DNAH14: variants seen among roughly 807,000 people sequenced by gnomAD.
DNAH14 encodes the protein axonemal beta dynein heavy chain 14.
In DNAH14, 478 loss-of-function variants were observed where a neutral mutation model predicts 520.9. The ratio of observed to expected loss-of-function variants is 0.92; its 90% CI spans 0.85 to 0.99. DNAH14 has a LOEUF of 0.99. Among genes scored for constraint, DNAH14 ranks in the 50% least tolerant of loss-of-function variants. The pLI, the probability that DNAH14 is intolerant of heterozygous loss-of-function variation, is 0.00. For synonymous variants in DNAH14, 1,581 were observed against 1,757.2 expected (o/e 0.90, Z 2.51); for missense variants, 4,831 against 5,234.5 (o/e 0.92, Z 2.38).
chr1:225,376,789 G>A (rs190199387), intron 78 of DNAH14, among the ~76,000 whole-genome samples: 3 of 152,152 alleles, frequency 2.0e-5, no homozygotes, highest in African/African-American at 7.2e-5. Flanking sequence ...TATCAAGAAA[G>A]CCACCATCAC....
rs576670111 is a variant in DNAH14, at chr1:225,104,576, C to T, written c.3867+3692C>T. ...CTCAATTTCAGAGCCTGTTATTGGT[C>T]TATTCAGAGATTCAACTTCTTCCTG... On this transcript the variant is annotated intron_variant, in intron 23 of 85. Coordinates refer to ENST00000682510, the MANE Select transcript of DNAH14 (RefSeq NM_001367479.1). 3.9e-5 allele frequency among the ~76,000 whole-genome samples: 6 copies of T among 152,194 alleles called. No homozygotes were observed. In the East Asian group the frequency reaches 1.2e-3, roughly 29 times the overall value.
intron 36 of DNAH14, among the ~76,000 whole-genome samples, chr1:225,184,843 A>G (rs2084488762): frequency 6.6e-6 from 1 of 152,080 alleles, no homozygotes; most frequent in Non-Finnish European, 1.5e-5. Context: ...ATTCCCCTTA[A>G]GAATTGGAAT....
At chr1:225,374,631 G>A (rs2095672569) in intron 77 of DNAH14, 57 bp from the exon 78 acceptor site, 1 of 1,380,666 alleles carries the variant, frequency 7.2e-7, no homozygotes, top group Admixed American at 2.6e-5. Flanking sequence ...TAAAAAGTCA[G>A]AGTGAGTAAG....
chr1:225,115,232 A>C (rs903196891), intron 23 of DNAH14, among the ~76,000 whole-genome samples: 8 of 152,194 alleles, frequency 5.3e-5, no homozygotes, highest in Non-Finnish European at 1.2e-4. Flanking sequence ...GGCCACCATC[A>C]CTGGAGCTGT....
intron 74 of DNAH14, among the ~76,000 whole-genome samples, chr1:225,359,213 A>T (rs2095466333): frequency 6.6e-6 from 1 of 152,234 alleles, no homozygotes; most frequent in Non-Finnish European, 1.5e-5. Context: ...TAAAGATACA[A>T]CAAAGAGGAA....
At chr1:225,039,877 CAAAAAAAAAAAA>C (rs1194328076) in intron 12 of DNAH14, among the ~76,000 whole-genome samples, 3 of 48,984 alleles carry the variant, frequency 6.1e-5, no homozygotes, top group African/African-American at 2.5e-4. Context: ...GACTCCGTCT[CAAAAAAAAAAAA>C]AAAAAAAAAA....
In DNAH14 at chr1:225,218,133, G is replaced by T. The variant is rs141788953; in HGVS notation, c.6439+10913G>T. Among the ~76,000 whole-genome samples the T allele has an allele frequency of 9.0e-3, 1,373 of 152,242 alleles. 14 individuals are homozygous for T. The highest frequency in any genetic ancestry group is 0.014 in the Middle Eastern group (4 of 294). ...GAGAGATTTGGTCATCACCAGGCCT[G>T]CCTTACAAGAGCTCCTGAAGGAAGC... On this transcript the variant is annotated intron_variant, in intron 41 of 85. Transcript: ENST00000682510.
intron 57 of DNAH14, among the ~76,000 whole-genome samples, chr1:225,304,050 C>T (rs1276249498): frequency 1.3e-5 from 2 of 152,140 alleles, no homozygotes; most frequent in African/African-American, 2.4e-5. Context: ...TGACCAGTGA[C>T]TGGTTAGACT....
chr1:224,983,891 G>A (rs1209012697), intron 8 of DNAH14, among the ~76,000 whole-genome samples: 1 of 152,124 alleles, frequency 6.6e-6, no homozygotes, highest in Admixed American at 6.5e-5. Flanking sequence ...AGAAATCACA[G>A]ATGACACAAA....
chr1:225,307,638 G>T (rs115919810), intron 59 of DNAH14, 69 bp downstream of exon 59: 1 of 1,198,702 alleles, frequency 8.3e-7, no homozygotes, highest in Non-Finnish European at 1.1e-6. Flanking sequence ...GAAAGCAAAG[G>T]CTCTGATACC....
chr1:225,226,548 G>A (rs1354985895), intron 41 of DNAH14, among the ~76,000 whole-genome samples: 4 of 152,152 alleles, frequency 2.6e-5, no homozygotes, highest in Admixed American at 6.6e-5. Context: ...GGACAAGCCC[G>A]TAGCCTCCAG....
rs1433463058 is a variant in DNAH14, at chr1:225,360,685, C to T, written c.11781C>T (p.Ile3927=). ...CCTCTCCACGTTGTTATACAGGGAT[C>T]GACCTTACCAATATCCTCCTGAGAT... ...TPLILIQTHG[I]DLTNILLRFA... is the part of the protein sequence containing the mutation. The change falls in exon 75 of 86, where the codon ATC becomes ATT. Residue 3927 remains isoleucine (I), a synonymous_variant. Transcript: ENST00000682510. 10 of 1,551,472 alleles carry T rather than the reference C, an allele frequency of 6.4e-6. No individual in the cohort carries two copies. Among genetic ancestry groups the T allele is most frequent in the East Asian group, 4.9e-5 (2 of 40,910 alleles).
chr1:225,028,071 G>A (rs987894347), intron 11 of DNAH14, among the ~76,000 whole-genome samples: 1 of 151,910 alleles, frequency 6.6e-6, no homozygotes, highest in South Asian at 2.1e-4. Context: ...ATCTATATTC[G>A]TAAAGGACAT....
At position 224,930,877 on chromosome 1, in the gene DNAH14, C is replaced by T. The variant is rs1340435441; in HGVS notation, c.-34+1042C>T. Among the ~76,000 whole-genome samples, 2 of 152,162 alleles carry T rather than the reference C, an allele frequency of 1.3e-5. 1 individual carries two copies. On this transcript the variant is annotated intron_variant, in intron 1 of 85. Transcript: ENST00000682510. The stretch of plus-strand genomic sequence containing the variant: ...AGTCCCAAAGTGCTGGGATTACAGG[C>T]GTGAGCCACGGCGCCCGGCCTCTAT...
intron 77 of DNAH14, among the ~76,000 whole-genome samples, chr1:225,374,265 TATATA>T (rs756857045): frequency 0.17 from 14,609 of 86,890 alleles, 1,526 homozygotes; most frequent in East Asian, 0.53. Flanking sequence ...TATATATATA[TATATA>T]TTTTTTTTTG....
chr1:225,011,754 T>G, intron 10 of DNAH14, among the ~76,000 whole-genome samples: 1 of 118,856 alleles, frequency 8.4e-6, no homozygotes, highest in African/African-American at 3.2e-5. Context: ...GAATGCAACC[T>G]CTGCTTTTTT....
chr1:225,335,751 A>G lies in DNAH14; in HGVS notation c.10081-1515A>G, dbSNP rs1194749319. ...CATATGTGCATATATGTATATACGC[A>G]TATATACATACATGTGCATATGTGC... On this transcript the variant is annotated intron_variant, in intron 66 of 85. Coordinates refer to ENST00000682510, the MANE Select transcript of DNAH14 (RefSeq NM_001367479.1). Among the ~76,000 whole-genome samples the G allele has an allele frequency of 3.4e-4, 31 of 90,876 alleles. 8 individuals are homozygous for G. Among genetic ancestry groups the G allele is most frequent in the Non-Finnish European group, 6.6e-4 (30 of 45,792 alleles). 59.6% of individuals were successfully genotyped at this position (90,876 alleles called of 152,430 possible).
At chr1:225,246,288 C>T (rs907813321) in intron 43 of DNAH14, among the ~76,000 whole-genome samples, 6 of 151,820 alleles carry the variant, frequency 4.0e-5, no homozygotes, top group African/African-American at 7.3e-5. Flanking sequence ...AGAAGAAAAC[C>T]GAGGCAATAC....
intron 66 of DNAH14, 85 bp downstream of exon 66, chr1:225,333,591 GT>G: frequency 1.7e-6 from 2 of 1,179,254 alleles, no homozygotes; most frequent in South Asian, 3.1e-5. Flanking sequence ...GGCCTTGGAT[GT>G]TGTCCCAAAA....
Sources: allele counts gnomAD v4.1 joint callset (sites outside exome capture counted in the v4.1 genomes callset), GRCh38; gene constraint gnomAD v4.1.1; transcripts MANE v1.5; gene names NCBI Gene and HGNC (gene_info 2026-07-23, HGNC 2026-07-21).